Variants in ITPR2 observed in about 807,000 individuals in gnomAD.
The protein encoded by ITPR2 is inositol 1,4,5-trisphosphate-gated calcium channel ITPR2.
A neutral mutation model predicts 317.1 loss-of-function variants in ITPR2; 207 were observed. That is an observed-to-expected ratio of 0.65 (90% CI 0.58 to 0.73). The LOEUF (loss-of-function observed/expected upper bound fraction) is 0.73, where lower values mean the gene tolerates loss of function less well. Ranked by LOEUF, ITPR2 falls within the 30% of genes least tolerant of loss-of-function variation. The pLI is 0.00. For missense variants in ITPR2, 2,613 were observed against 3,284.0 expected, an observed-to-expected ratio of 0.80 and a Z score of 4.99; for synonymous variants, 1,156 against 1,149.1, an observed-to-expected ratio of 1.01 and a Z score of -0.12.
At chr12:26,520,719 ATTT>A (rs1331889200) in intron 37 of ITPR2, among the ~76,000 whole-genome samples, 1 of 152,122 alleles carries the variant, frequency 6.6e-6, no homozygotes, top group African/African-American at 2.4e-5. Context: ...TTCATATTAA[ATTT>A]TTTGTTAAAA....
intron 34 of ITPR2, among the ~76,000 whole-genome samples, chr12:26,566,273 G>A (rs1448184041): frequency 2.2e-5 from 3 of 137,300 alleles, no homozygotes; most frequent in Non-Finnish European, 4.8e-5. Flanking sequence ...AGGAGAAGGA[G>A]AGGAGAGGAG....
chr12:26,788,861 T>A (rs980356979), intron 2 of ITPR2, among the ~76,000 whole-genome samples: 1 of 152,234 alleles, frequency 6.6e-6, no homozygotes, highest in Admixed American at 6.5e-5. Context: ...CTTTTCAGAA[T>A]CTACCTTTAT....
At chr12:26,435,718 T>C (rs929240219) in intron 48 of ITPR2, among the ~76,000 whole-genome samples, 1 of 152,208 alleles carries the variant, frequency 6.6e-6, no homozygotes. Context: ...TCTTATGCTG[T>C]TCACTTTTGA....
chr12:26,341,252 T>C (rs1355567857), intron 55 of ITPR2, among the ~76,000 whole-genome samples: 1 of 152,160 alleles, frequency 6.6e-6, no homozygotes, highest in African/African-American at 2.4e-5. Context: ...ATTGATGGGG[T>C]GTGCCAGTCT....
At chr12:26,516,275 G>A (rs71438630) in intron 37 of ITPR2, among the ~76,000 whole-genome samples, 17,286 of 37,340 alleles carry the variant, frequency 0.46, 4,563 homozygotes, top group South Asian at 0.6. Context: ...AGGAAAGGAA[G>A]GGAAGGGAAG....
chr12:26,608,338 T>C (rs1946185387), intron 26 of ITPR2, among the ~76,000 whole-genome samples: 1 of 152,208 alleles, frequency 6.6e-6, no homozygotes, highest in Non-Finnish European at 1.5e-5. Flanking sequence ...TGGAAATGTT[T>C]AATGTAACTA....
intron 45 of ITPR2, among the ~76,000 whole-genome samples, chr12:26,452,672 G>A (rs1010017217): frequency 2.6e-5 from 4 of 152,182 alleles, no homozygotes; most frequent in Non-Finnish European, 5.9e-5. Flanking sequence ...CAAGGAACCG[G>A]ATTTGGTATC....
At chr12:26,699,759 G>C (rs1317989844) in intron 9 of ITPR2, among the ~76,000 whole-genome samples, 1 of 152,100 alleles carries the variant, frequency 6.6e-6, no homozygotes, top group Non-Finnish European at 1.5e-5. Context: ...ATAAATATAT[G>C]CTTTAAATTA....
In ITPR2 at chr12:26,632,037, A is replaced by G; in HGVS notation, c.2763T>C (p.Ile921=). 6.3e-7 allele frequency: 1 copy of G among 1,583,592 alleles called. No homozygotes were observed. Among genetic ancestry groups the G allele is most frequent in the Non-Finnish European group, 8.6e-7 (1 of 1,166,644 alleles). Residue 921 remains isoleucine, a synonymous_variant, in exon 22 of 57, where the codon ATT becomes ATC. Transcript: ENST00000381340. ...QDGGNNVMRT[I]HGVGEMMTQM... is the part of the protein sequence containing the mutation. Reference sequence around the variant, plus strand: ...GGGTCATCATCTCTCCCACCCCATGAATGGTTCTCATCACATTGTTTCCTG... The same window carrying G: ...GGGTCATCATCTCTCCCACCCCATGGATGGTTCTCATCACATTGTTTCCTG...
intron 2 of ITPR2, among the ~76,000 whole-genome samples, chr12:26,729,351 A>C (rs1948989592): frequency 6.6e-6 from 1 of 152,190 alleles, no homozygotes; most frequent in Admixed American, 6.5e-5. Flanking sequence ...TAACACTTCT[A>C]CACTGTTGGT....
Position 26,487,005 on chromosome 12 carries a change from T to C in ITPR2, c.5554+63A>G, listed in dbSNP as rs1942685381. On this transcript the variant is annotated intron_variant, in intron 40 of 56. Transcript: ENST00000381340. ...AGAGAGACGAAAAATGTTAATGAGATTTAAACGCTATTCCCCTCTTTTCTC... is the reference window on the plus strand; with the variant it reads ...AGAGAGACGAAAAATGTTAATGAGACTTAAACGCTATTCCCCTCTTTTCTC... 5.7e-6 allele frequency: 8 copies of C among 1,400,512 alleles called. 1 individual carries two copies. The South Asian group carries it at 8.1e-5, about 14-fold the overall frequency. 86.8% of individuals were successfully genotyped at this position (1,400,512 alleles called of 1,614,324 possible).
At chr12:26,687,128 G>A (rs1327987726) in intron 10 of ITPR2, among the ~76,000 whole-genome samples, 1 of 152,064 alleles carries the variant, frequency 6.6e-6, no homozygotes, top group Admixed American at 6.6e-5. Flanking sequence ...CTAGATTCAA[G>A]AACATACTAT....
At position 26,786,449 on chromosome 12, in the gene ITPR2, T is replaced by TAAAAAAAAAAA. The variant is rs59014121; in HGVS notation, c.163+3697_163+3707dup. ...GCGAGAAACACCCAAGAATGATCAA[T>TAAAAAAAAAAA]AAAAAAAAAAAAAAAAAAAAATGGA... is the stretch of plus-strand genomic sequence containing the variant. On this transcript the variant is annotated intron_variant, in intron 2 of 56. Transcript: ENST00000381340. 6.5e-4 allele frequency among the ~76,000 whole-genome samples: 78 copies of TAAAAAAAAAAA among 119,214 alleles called. 1 individual carries two copies. Among genetic ancestry groups the TAAAAAAAAAAA allele is most frequent in the African/African-American group, 2.8e-3 (76 of 26,800 alleles). 78.2% of individuals were successfully genotyped at this position (119,214 alleles called of 152,430 possible). A position where few individuals can be genotyped will look rare whatever the true frequency, so the allele number is the denominator to read the frequency against.
intron 32 of ITPR2, among the ~76,000 whole-genome samples, chr12:26,583,391 T>C (rs1325379263): frequency 6.6e-6 from 1 of 152,132 alleles, no homozygotes; most frequent in African/African-American, 2.4e-5. Flanking sequence ...TCAATTGTCA[T>C]TTCATATGTA....
At chr12:26,572,248 A>G (rs1945180100) in intron 34 of ITPR2, among the ~76,000 whole-genome samples, 1 of 152,120 alleles carries the variant, frequency 6.6e-6, no homozygotes, top group Non-Finnish European at 1.5e-5. Context: ...ATGGGAGGCC[A>G]TTGTTTTGAT....
rs1940127259 is a variant in ITPR2, at chr12:26,400,158, C to T, written c.7500G>A (p.Val2500=). Residue 2500 remains valine, a synonymous_variant, in exon 53 of 57, where the codon GTG becomes GTA. Transcript: ENST00000381340. ...LNQGLRNGGG[V]GDVLRRPSKD... is the part of the protein sequence containing the mutation. The stretch of plus-strand genomic sequence containing the variant: ...TCGATGGCCTTCTTAGCACATCCCC[C>T]ACACCACCGCCATTCCTGAGGCCCT... 2 of 1,611,756 alleles carry T rather than the reference C, an allele frequency of 1.2e-6. No homozygotes were observed. Among genetic ancestry groups the T allele is most frequent in the African/African-American group, 2.7e-5 (2 of 74,850 alleles).
intron 48 of ITPR2, 109 bp downstream of exon 48, chr12:26,436,112 G>A: frequency 2.8e-6 from 3 of 1,070,810 alleles, no homozygotes; most frequent in Non-Finnish European, 3.9e-6. Flanking sequence ...CTTCCAACAA[G>A]TATAGAAAAA....
At chr12:26,803,145 A>G (rs1164737092) in intron 1 of ITPR2, among the ~76,000 whole-genome samples, 1 of 151,938 alleles carries the variant, frequency 6.6e-6, no homozygotes, top group African/African-American at 2.4e-5. Flanking sequence ...AAAACCCCAC[A>G]CTCACCCATC....
At position 26,792,613 on chromosome 12, in the gene ITPR2, T is replaced by A. The variant is rs1009059622; in HGVS notation, c.93-2386A>T. ...GTCTTCCAATAAATTTTAAGCTCCATGAAGTCAGAGATTGAATCCATCTTG... is the reference window on the plus strand; with the variant it reads ...GTCTTCCAATAAATTTTAAGCTCCAAGAAGTCAGAGATTGAATCCATCTTG... On this transcript the variant is annotated intron_variant, in intron 1 of 56. Coordinates refer to ENST00000381340, the MANE Select transcript of ITPR2 (RefSeq NM_002223.4). Among the ~76,000 whole-genome samples the A allele has an allele frequency of 2.0e-5, 3 of 152,122 alleles. No individual in the cohort carries two copies. The South Asian group carries it at 6.2e-4, about 32-fold the overall frequency.
Sources: gnomAD v4.1 joint callset for allele counts (sites outside exome capture counted in the v4.1 genomes callset) on GRCh38, gnomAD v4.1.1 for gene constraint, MANE v1.5 for transcripts, NCBI Gene and HGNC (gene_info 2026-07-23, HGNC 2026-07-21) for gene names.